GRIK5: variants seen among roughly 807,000 people sequenced by gnomAD.
GRIK5 encodes the protein glutamate ionotropic receptor kainate type subunit 5.
In GRIK5, 43 loss-of-function variants were observed where a neutral mutation model predicts 97.4. That is an observed-to-expected ratio of 0.44 (90% confidence interval 0.35 to 0.57). GRIK5 has a LOEUF of 0.57. GRIK5 is among the 20% of genes least tolerant of loss of function. GRIK5 has a pLI of 0.01. For synonymous variants in GRIK5, 580 were observed against 583.5 expected (o/e 0.99, Z 0.09); for missense variants, 1,015 against 1,382.0 (o/e 0.73, Z 4.21).
At chr19:42,034,904 T>A (rs2075883554) in intron 12 of GRIK5, among the ~76,000 whole-genome samples, 1 of 151,968 alleles carries the variant, frequency 6.6e-6, no homozygotes, top group African/African-American at 2.4e-5. Flanking sequence ...CTCATTACAT[T>A]GCTGCCCCCT....
intron 3 of GRIK5, among the ~76,000 whole-genome samples, chr19:42,063,129 G>A (rs1338887306): frequency 1.3e-5 from 2 of 152,194 alleles, no homozygotes; most frequent in African/African-American, 4.8e-5. Flanking sequence ...AGAGACACCA[G>A]GGGCCTCCTC....
intron 6 of GRIK5, among the ~76,000 whole-genome samples, chr19:42,057,912 G>A (rs967675243): frequency 2.0e-5 from 3 of 152,192 alleles, no homozygotes; most frequent in African/African-American, 4.8e-5. Context: ...GTCCCCCCAC[G>A]AGAATTATAA....
intron 12 of GRIK5, among the ~76,000 whole-genome samples, chr19:42,025,246 G>C (rs770332347): frequency 4.6e-5 from 7 of 152,180 alleles, no homozygotes; most frequent in Non-Finnish European, 1.0e-4. Context: ...CCAATGCAGA[G>C]GGACCTCCAT....
chr19:42,068,661 G>C, intron 1 of GRIK5: 1 of 430,366 alleles, frequency 2.3e-6, no homozygotes, highest in Non-Finnish European at 4.1e-6. Context: ...CTTGGAAAGA[G>C]GGAAGCCAGG....
rs569107451 is a variant in GRIK5, at chr19:42,042,899, C to G, written c.1270-144G>C. 33 of 656,888 alleles carry G rather than the reference C, an allele frequency of 5.0e-5. No individual in the cohort carries two copies. In the African/African-American group the frequency reaches 5.6e-4, roughly 11 times the overall value. 40.7% of individuals were successfully genotyped at this position (656,888 alleles called of 1,614,324 possible). On this transcript the variant is annotated intron_variant, in intron 11 of 19. Coordinates refer to ENST00000593562, the MANE Select transcript of GRIK5 (RefSeq NM_002088.5). The surrounding 1 kb of genome is among the most constrained non-coding windows in gnomAD (Gnocchi z 6.9). ...ATTCATAGTACACATTTCTCACTTA[C>G]AAATGCTCAGAGTGGGGAATAGACC...
chr19:42,042,598 T>G lies in GRIK5; in HGVS notation c.1427A>C (p.Glu476Ala). 6.2e-7 allele frequency: 1 copy of G among 1,612,338 alleles called. No homozygotes were observed. Among genetic ancestry groups the G allele is most frequent in the African/African-American group, 1.3e-5 (1 of 75,048 alleles). ...CATGCCCGTCCAGGAGCCGTTGGGC[T>G]CGGGCGCCCCGTACAGCCCATCCTC... ...LVEDGLYGAP[E>A]PNGSWTGMVG... The change falls in exon 12 of 20, where the codon GAG becomes GCG. Residue 476 changes from glutamate to alanine, a missense_variant. Glu to Ala is a moderately radical substitution (Grantham distance 107). Around this residue, in one of 5 missense-constraint regions of GRIK5, gnomAD observed 477 missense variants for 701.1 expected, o/e 0.68. Coordinates refer to ENST00000593562, the MANE Select transcript of GRIK5 (RefSeq NM_002088.5). This position sits in a 1 kb window ranked among gnomAD's most constrained non-coding sequence, Gnocchi z 6.9.
chr19:42,035,576 G>C lies in GRIK5; in HGVS notation c.1473+6976C>G, dbSNP rs529320743. ...TACAAAAAAATTAGCCTGGCATGGT[G>C]GTGGGCGCCTGTAATCCCAGCTACT... On this transcript the variant is annotated intron_variant, in intron 12 of 19. Coordinates refer to ENST00000593562, the MANE Select transcript of GRIK5 (RefSeq NM_002088.5). Among the ~76,000 whole-genome samples the C allele has an allele frequency of 5.9e-5, 9 of 152,170 alleles. No homozygotes were observed. In the East Asian group the frequency reaches 9.7e-4, roughly 16 times the overall value.
rs1230291238 is a variant in GRIK5, at chr19:42,042,259, T to G, written c.1473+293A>C. On this transcript the variant is annotated intron_variant, in intron 12 of 19. Transcript: ENST00000593562. This position sits in a 1 kb window ranked among gnomAD's most constrained non-coding sequence, Gnocchi z 6.9. ...CCCACTCCATGTCTCTTTCATTCAC[T>G]TAACAAATCTTTGCACACCGACTAA... is the stretch of plus-strand genomic sequence containing the variant. 6.6e-6 allele frequency among the ~76,000 whole-genome samples: 1 copy of G among 152,206 alleles called. No homozygotes were observed. The highest frequency in any genetic ancestry group is 1.5e-5 in the Non-Finnish European group (1 of 68,032).
At chr19:42,034,738 C>T (rs974900103) in intron 12 of GRIK5, among the ~76,000 whole-genome samples, 1 of 152,006 alleles carries the variant, frequency 6.6e-6, no homozygotes, top group Non-Finnish European at 1.5e-5. Flanking sequence ...TATCCAACCA[C>T]CTTGTCTAAA....
chr19:42,064,466 C>T (rs994190238), intron 3 of GRIK5, among the ~76,000 whole-genome samples: 3 of 151,792 alleles, frequency 2.0e-5, no homozygotes, highest in East Asian at 3.9e-4. Flanking sequence ...GCTCCCACCC[C>T]GATCCCCACC....
rs2076320246 is a variant in GRIK5 at position 42,065,612 on chromosome 19, C to A, written c.79+80G>T. ...TGCTGAAGAGAGCTGAGACCTGGACCCTGACGGACTGGCATGCCTGGGTCC... is the reference window on the plus strand; with the variant it reads ...TGCTGAAGAGAGCTGAGACCTGGACACTGACGGACTGGCATGCCTGGGTCC... On this transcript the variant is annotated intron_variant, in intron 2 of 19. Coordinates refer to ENST00000593562, the MANE Select transcript of GRIK5 (RefSeq NM_002088.5). This position sits in a 1 kb window ranked among gnomAD's most constrained non-coding sequence, Gnocchi z 5.8. The A allele has an allele frequency of 4.8e-6, 6 of 1,245,406 alleles. No individual in the cohort carries two copies. The Admixed American group carries it at 1.3e-4, about 26-fold the overall frequency. 77.1% of individuals were successfully genotyped at this position (1,245,406 alleles called of 1,614,324 possible). A position where few individuals can be genotyped will look rare whatever the true frequency, so the allele number is the denominator to read the frequency against.
chr19:42,043,592 A>G (rs2076007067), intron 11 of GRIK5, among the ~76,000 whole-genome samples: 1 of 151,816 alleles, frequency 6.6e-6, no homozygotes, highest in Non-Finnish European at 1.5e-5. Flanking sequence ...TTGTATTTTT[A>G]GTAGAGACGG....
At chr19:42,025,357 C>T (rs1035729969) in intron 12 of GRIK5, among the ~76,000 whole-genome samples, 2 of 152,156 alleles carry the variant, frequency 1.3e-5, no homozygotes, top group Non-Finnish European at 2.9e-5. Flanking sequence ...GGGGCTTTAT[C>T]TGCCTGCTGC....
At chr19:42,023,511 C>A (rs190227042) in intron 12 of GRIK5, among the ~76,000 whole-genome samples, 17 of 152,304 alleles carry the variant, frequency 1.1e-4, no homozygotes, top group Admixed American at 1.0e-3. Flanking sequence ...TGCATGGTGG[C>A]CACATCCTCA....
intron 9 of GRIK5, 124 bp downstream of exon 9, chr19:42,054,195 CA>C (rs1234970567): frequency 8.8e-6 from 9 of 1,017,030 alleles, no homozygotes; most frequent in African/African-American, 3.2e-5. Context: ...CAGGAGTGGA[CA>C]GGGGAGGCAG....
chr19:42,052,287 C>T (rs1489318151), intron 11 of GRIK5, among the ~76,000 whole-genome samples: 1 of 151,288 alleles, frequency 6.6e-6, no homozygotes, highest in African/African-American at 2.4e-5. Flanking sequence ...CACCCTGTTC[C>T]CCACCAAGGC....
At chr19:42,041,150 CAA>C (rs1319934809) in intron 12 of GRIK5, among the ~76,000 whole-genome samples, 1 of 152,190 alleles carries the variant, frequency 6.6e-6, no homozygotes, top group Admixed American at 6.5e-5. Flanking sequence ...CCTTGTCAAG[CAA>C]AGTGGCCCTC....
At position 42,022,531 on chromosome 19, in the gene GRIK5, C is replaced by T. The variant is rs1375361450; in HGVS notation, c.1474-177G>A. 4 of 985,044 alleles carry T rather than the reference C, an allele frequency of 4.1e-6. No homozygotes were observed. The highest frequency in any genetic ancestry group is 3.6e-6 in the Non-Finnish European group (3 of 829,882). 61.0% of individuals were successfully genotyped at this position (985,044 alleles called of 1,614,324 possible). On this transcript the variant is annotated intron_variant, in intron 12 of 19. Transcript: ENST00000593562. The surrounding 1 kb of genome is among the most constrained non-coding windows in gnomAD (Gnocchi z 4.2). ...CAGGAGCCCACCTTGGGCCTGAAAT[C>T]GGACCCTCATCGCATGTCCATCCTC...
chr19:42,055,192 T>A (rs991474231), intron 8 of GRIK5, among the ~76,000 whole-genome samples: 1 of 152,140 alleles, frequency 6.6e-6, no homozygotes, highest in Non-Finnish European at 1.5e-5. Flanking sequence ...ACAACCACGG[T>A]GTCTGTGTGT....
Sources: allele counts gnomAD v4.1 joint callset (sites outside exome capture counted in the v4.1 genomes callset), GRCh38; gene constraint gnomAD v4.1.1; regional missense constraint gnomAD v4.1.1; non-coding constraint Gnocchi (gnomAD v3.1); transcripts MANE v1.5; gene names NCBI Gene and HGNC (gene_info 2026-07-23, HGNC 2026-07-21).